PAG1: variants seen among roughly 807,000 people sequenced by gnomAD.
PAG1 encodes phosphoprotein associated with glycosphingolipid-enriched microdomains 1.
A neutral mutation model predicts 31.7 loss-of-function variants in PAG1; 23 were observed. The observed-to-expected ratio is 0.73, with a 90% CI of 0.52 to 1.03. The LOEUF is 1.03. Ranked by LOEUF, PAG1 falls within the 50% of genes least tolerant of loss-of-function variation. PAG1 has a pLI of 0.00. For missense variants in PAG1, 473 were observed against 540.7 expected, an observed-to-expected ratio of 0.87 and a Z score of 1.24; for synonymous variants, 214 against 210.3, an observed-to-expected ratio of 1.02 and a Z score of -0.15.
At chr8:81,100,709 G>A (rs1457584006) in intron 1 of PAG1, among the ~76,000 whole-genome samples, 1 of 152,200 alleles carries the variant, frequency 6.6e-6, no homozygotes, top group African/African-American at 2.4e-5. Context: ...GAAAGAAAAA[G>A]CATACGACTA....
At chr8:81,023,601 G>C (rs79825753) in intron 3 of PAG1, among the ~76,000 whole-genome samples, 4,961 of 151,526 alleles carry the variant, frequency 0.033, 115 homozygotes, top group Non-Finnish European at 0.033. Context: ...TAAGGAGAGA[G>C]AGAGAGAGAA....
rs117494784 is a variant in PAG1, at chr8:81,006,251, A to C, written c.-80-12944T>G. On this transcript the variant is annotated intron_variant, in intron 3 of 8. Transcript: ENST00000220597. Reference sequence around the variant, plus strand: ...AGCCACCATGCCTGGCCAAGAATCTATATTTTTATCTTGCATCCTAAGTGA... The same window carrying C: ...AGCCACCATGCCTGGCCAAGAATCTCTATTTTTATCTTGCATCCTAAGTGA... Among the ~76,000 whole-genome samples, 186 of 152,296 alleles carry C rather than the reference A, an allele frequency of 1.2e-3. 2 individuals are homozygous for C. In the East Asian group the frequency reaches 0.032, roughly 26 times the overall value.
In PAG1 at chr8:80,976,818, G is replaced by A. The variant is rs1807194028; in HGVS notation, c.1025C>T (p.Thr342Ile). Residue 342 changes from threonine (T) to isoleucine (I), a missense_variant, in exon 9 of 9, where the codon ACC (threonine) becomes ATC (isoleucine). By Grantham distance (89) the Thr-to-Ile change is moderately conservative (BLOSUM62 -1). Transcript: ENST00000220597. ...CCTCTGTGGGTCCCCTTGAATGGAG[G>A]TGTAGGTGGACTCCGGAACTGTAAG... ...QSLTVPESTY[T>I]SIQGDPQRSP... 3 of 1,613,840 alleles carry A rather than the reference G, an allele frequency of 1.9e-6. No homozygotes were observed. Among genetic ancestry groups the A allele is most frequent in the Middle Eastern group, 1.6e-4 (1 of 6,084 alleles).
intron 1 of PAG1, among the ~76,000 whole-genome samples, chr8:81,070,696 A>G (rs1465261983): frequency 6.6e-6 from 1 of 151,376 alleles, no homozygotes; most frequent in Non-Finnish European, 1.5e-5. Flanking sequence ...TAGAGACGTG[A>G]TAATTGTTAT....
At chr8:81,062,011 T>A (rs1365599604) in intron 2 of PAG1, among the ~76,000 whole-genome samples, 1 of 152,338 alleles carries the variant, frequency 6.6e-6, no homozygotes, top group East Asian at 1.9e-4. Context: ...AGGCATATTT[T>A]AAAATACTAC....
rs773665442 is a variant in PAG1, at chr8:80,985,179, C to G, written c.473G>C (p.Gly158Ala). The stretch of plus-strand genomic sequence containing the variant: ...GAGCACTTCATAGGGCCCTTCCATC[C>G]CCAGCCCCTGGTCCCCGTCCACACT... Reference protein sequence around the residue: ...ARSVDGDQGLGMEGPYEVLKD... With the variant: ...ARSVDGDQGLAMEGPYEVLKD... The change falls in exon 7 of 9, where the codon GGG (glycine) becomes GCG (alanine). Residue 158 changes from glycine (G) to alanine (A), a missense_variant. Gly to Ala is a moderately conservative substitution (Grantham distance 60, BLOSUM62 0). Transcript: ENST00000220597. 6.2e-7 allele frequency: 1 copy of G among 1,614,094 alleles called. No homozygotes were observed. The highest frequency in any genetic ancestry group is 8.5e-7 in the Non-Finnish European group (1 of 1,180,014).
chr8:80,977,149 G>C (rs1191818790), intron 8 of PAG1, among the ~76,000 whole-genome samples: 1 of 152,208 alleles, frequency 6.6e-6, no homozygotes, highest in African/African-American at 2.4e-5. Flanking sequence ...GTTCTCTTGG[G>C]TCTGCCGAGG....
At chr8:81,043,051 T>C (rs2130843458) in intron 2 of PAG1, among the ~76,000 whole-genome samples, 1 of 152,310 alleles carries the variant, frequency 6.6e-6, no homozygotes, top group South Asian at 2.1e-4. Context: ...GTCTTTTTTA[T>C]TTTTTAATAG....
chr8:80,995,496 T>C (rs547295975), intron 3 of PAG1, among the ~76,000 whole-genome samples: 1 of 152,352 alleles, frequency 6.6e-6, no homozygotes, highest in South Asian at 2.1e-4. Context: ...GGCACCACAA[T>C]AGGTTTTAAA....
At chr8:81,059,995 G>A (rs1466633802) in intron 2 of PAG1, among the ~76,000 whole-genome samples, 1 of 151,326 alleles carries the variant, frequency 6.6e-6, no homozygotes, top group East Asian at 1.9e-4. Context: ...TCCAGCCTGG[G>A]CAAAAAGAGT....
chr8:81,045,113 G>A (rs909994910), intron 2 of PAG1, among the ~76,000 whole-genome samples: 7 of 152,082 alleles, frequency 4.6e-5, no homozygotes, highest in African/African-American at 1.4e-4. Context: ...GATTTCGCTG[G>A]GTGAACCATA....
Position 80,990,651 on chromosome 8 carries a change from C to G in PAG1, c.177+828G>C, listed in dbSNP as rs1320035941. On this transcript the variant is annotated intron_variant, in intron 5 of 8. Transcript: ENST00000220597. The surrounding 1 kb of genome is among the most constrained non-coding windows in gnomAD (Gnocchi z 5.1). ...ACCTGGACACTCTCAGGCTGTTCCT[C>G]GCCAGGGTGGATCCCTGAGGGCCTC... 6.6e-6 allele frequency among the ~76,000 whole-genome samples: 1 copy of G among 152,042 alleles called. No homozygotes were observed. Among genetic ancestry groups the G allele is most frequent in the Non-Finnish European group, 1.5e-5 (1 of 68,012 alleles).
intron 3 of PAG1, among the ~76,000 whole-genome samples, chr8:81,027,371 A>C (rs1808300052): frequency 6.6e-6 from 1 of 152,214 alleles, no homozygotes; most frequent in Admixed American, 6.5e-5. Flanking sequence ...ATACATTTTA[A>C]AAGACTGAGA....
chr8:80,985,578 C>T (rs934469641), intron 6 of PAG1, among the ~76,000 whole-genome samples: 1 of 152,188 alleles, frequency 6.6e-6, no homozygotes, highest in Non-Finnish European at 1.5e-5. Flanking sequence ...TATATCTTTC[C>T]CAATACAAGA....
chr8:81,002,660 C>T (rs1025030543), intron 3 of PAG1, among the ~76,000 whole-genome samples: 1 of 152,166 alleles, frequency 6.6e-6, no homozygotes, highest in Non-Finnish European at 1.5e-5. Flanking sequence ...ATATTGTACC[C>T]AGCAATGGCA....
At position 80,993,150 on chromosome 8, in the gene PAG1, A is replaced by G; in HGVS notation, c.78T>C (p.Ile26=). 6.2e-7 allele frequency: 1 copy of G among 1,613,880 alleles called. No individual in the cohort carries two copies. The highest frequency in any genetic ancestry group is 1.7e-5 in the Admixed American group (1 of 60,002). ...AGATGAGGAAGGTGATGACGAAGAA[A>G]ATGGCGACAGCAGCCAGACTTCCCC... ...TLWGSLAAVA[I]FFVITFLIFL... The change falls in exon 4 of 9, where the codon ATT becomes ATC. Residue 26 remains isoleucine, a synonymous_variant. Transcript: ENST00000220597.
Position 80,990,850 on chromosome 8 carries a change from A to G in PAG1, c.177+629T>C, listed in dbSNP as rs949768777. Among the ~76,000 whole-genome samples, 17 of 152,182 alleles carry G rather than the reference A, an allele frequency of 1.1e-4. No individual in the cohort carries two copies. The highest frequency in any genetic ancestry group is 1.0e-4 in the Non-Finnish European group (7 of 68,030). ...CAAGTCCTAACCCCCAGCACCTGAG[A>G]ATATGGTCTCATTTGGAAATAGGGT... On this transcript the variant is annotated intron_variant, in intron 5 of 8. Transcript: ENST00000220597. The surrounding 1 kb of genome is among the most constrained non-coding windows in gnomAD (Gnocchi z 5.1).
At chr8:81,033,792 C>T (rs1383814284) in intron 2 of PAG1, among the ~76,000 whole-genome samples, 1 of 152,258 alleles carries the variant, frequency 6.6e-6, no homozygotes, top group Non-Finnish European at 1.5e-5. Context: ...GAGCTCCATT[C>T]TGGGACACTG....
At position 81,074,261 on chromosome 8, in the gene PAG1, G is replaced by A. The variant is rs1809141949; in HGVS notation, c.-233-4091C>T. Among the ~76,000 whole-genome samples the A allele has an allele frequency of 2.0e-5, 3 of 152,196 alleles. No homozygotes were observed. The South Asian group carries it at 6.2e-4, about 32-fold the overall frequency. On this transcript the variant is annotated intron_variant, in intron 1 of 8. Transcript: ENST00000220597. ...TTCAGCCGCACTCACCAGTGTAGGT[G>A]AAGATGTGGCGTGGGGAGAGAGCTG...
Sources: allele counts gnomAD v4.1 joint callset (sites outside exome capture counted in the v4.1 genomes callset), GRCh38; gene constraint gnomAD v4.1.1; non-coding constraint Gnocchi (gnomAD v3.1); transcripts MANE v1.5; gene names NCBI Gene and HGNC (gene_info 2026-07-23, HGNC 2026-07-21).